Variants in AGBL4 observed in about 807,000 individuals in gnomAD.
AGBL4 encodes the protein AGBL carboxypeptidase 4, also known as cytosolic carboxypeptidase 6.
AGBL4 carries 58 observed loss-of-function variants against 66.4 expected under a neutral mutation model. The ratio of observed to expected loss-of-function variants is 0.87; its 90% confidence interval spans 0.71 to 1.09. The LOEUF is 1.09. Ranked by LOEUF, AGBL4 falls within the 50% of genes least tolerant of loss-of-function variation. The pLI is 0.00. For synonymous variants in AGBL4, 234 were observed against 222.9 expected (o/e 1.05, Z -0.44); for missense variants, 579 against 631.0 (o/e 0.92, Z 0.88).
intron 2 of AGBL4, among the ~76,000 whole-genome samples, chr1:49,762,375 T>C (rs959641282): frequency 6.6e-6 from 1 of 152,128 alleles, no homozygotes; most frequent in Non-Finnish European, 1.5e-5. Context: ...ATGTCTGTTT[T>C]AGAGAAATGT....
intron 10 of AGBL4, among the ~76,000 whole-genome samples, chr1:48,587,621 ATTTATTTTAT>A (rs148361572): frequency 2.0e-4 from 30 of 148,436 alleles, no homozygotes; most frequent in East Asian, 1.9e-3. Context: ...TTATTATTTT[ATTTATTTTAT>A]TTTATTTTAT....
intron 11 of AGBL4, among the ~76,000 whole-genome samples, chr1:48,567,259 T>A (rs1182391904): frequency 3.3e-5 from 5 of 152,210 alleles, no homozygotes; most frequent in African/African-American, 9.6e-5. Context: ...AATCTTATTA[T>A]CAAGGTCCAT....
chr1:49,675,837 T>C (rs1396754439), intron 3 of AGBL4, among the ~76,000 whole-genome samples: 4 of 152,128 alleles, frequency 2.6e-5, no homozygotes, highest in Non-Finnish European at 5.9e-5. Context: ...TCACTAATTT[T>C]GTGAATCACT....
At chr1:48,914,030 T>C (rs1032923740) in intron 5 of AGBL4, among the ~76,000 whole-genome samples, 1 of 151,208 alleles carries the variant, frequency 6.6e-6, no homozygotes, top group Non-Finnish European at 1.5e-5. Context: ...AGATTGGGAG[T>C]TCAAGAAAAA....
At chr1:48,684,178 A>G (rs563907037) in intron 6 of AGBL4, among the ~76,000 whole-genome samples, 2 of 152,346 alleles carry the variant, frequency 1.3e-5, no homozygotes, top group South Asian at 4.1e-4. Context: ...GGGTGTGTCT[A>G]TTCTGTGCTG....
intron 6 of AGBL4, among the ~76,000 whole-genome samples, chr1:48,714,493 C>T (rs1373786446): frequency 6.6e-6 from 1 of 152,218 alleles, no homozygotes; most frequent in African/African-American, 2.4e-5. Context: ...CTGTCCCATC[C>T]ACCCCTTCAA....
chr1:49,412,380 A>T (rs1412073263), intron 3 of AGBL4, among the ~76,000 whole-genome samples: 1 of 152,074 alleles, frequency 6.6e-6, no homozygotes, highest in Non-Finnish European at 1.5e-5. Context: ...TAATCCCATT[A>T]ATGGGATTAG....
chr1:48,763,451 A>G (rs1416774720), intron 6 of AGBL4, among the ~76,000 whole-genome samples: 1 of 152,160 alleles, frequency 6.6e-6, no homozygotes, highest in Non-Finnish European at 1.5e-5. Context: ...AGATGAAATT[A>G]TCTTGCAATG....
chr1:49,826,124 AGTT>A (rs1350161588), intron 2 of AGBL4, among the ~76,000 whole-genome samples: 1 of 152,192 alleles, frequency 6.6e-6, no homozygotes, highest in Non-Finnish European at 1.5e-5. Context: ...AAGCTTAAAA[AGTT>A]GTTTTTTTCC....
chr1:49,901,846 G>A lies in AGBL4; in HGVS notation c.35-50328C>T, dbSNP rs1386389035. Among the ~76,000 whole-genome samples the A allele has an allele frequency of 1.5e-4, 23 of 152,112 alleles. 1 individual carries two copies. Among genetic ancestry groups the A allele is most frequent in the Admixed American group, 1.5e-3 (23 of 15,264 alleles). On this transcript the variant is annotated intron_variant, in intron 1 of 13. Transcript: ENST00000371839. The stretch of plus-strand genomic sequence containing the variant: ...GTACTGGTACAAAAACAGACACATA[G>A]ACCAAAGGAACAGAATACAGAACCC...
At chr1:49,325,596 G>A (rs1355957644) in intron 3 of AGBL4, among the ~76,000 whole-genome samples, 2 of 152,098 alleles carry the variant, frequency 1.3e-5, no homozygotes, top group African/African-American at 2.4e-5. Context: ...GAGAATTTAT[G>A]AAGGACATTT....
chr1:48,973,974 A>AGTT (rs1659116312), intron 5 of AGBL4, among the ~76,000 whole-genome samples: 1 of 152,130 alleles, frequency 6.6e-6, no homozygotes, highest in African/African-American at 2.4e-5. Context: ...TCAGTACATC[A>AGTT]CAGACTGGAT....
intron 4 of AGBL4, among the ~76,000 whole-genome samples, chr1:49,196,404 T>C (rs1045999451): frequency 2.0e-4 from 30 of 152,194 alleles, no homozygotes; most frequent in African/African-American, 7.0e-4. Flanking sequence ...TTCTCACTCA[T>C]ATTCTGAATT....
chr1:49,006,509 C>A (rs1571212948), intron 5 of AGBL4, among the ~76,000 whole-genome samples: 1 of 152,340 alleles, frequency 6.6e-6, no homozygotes, highest in East Asian at 1.9e-4. Flanking sequence ...GAAGCTCGAA[C>A]TGGGTGGAGC....
At chr1:48,921,294 A>G (rs1008814967) in intron 5 of AGBL4, among the ~76,000 whole-genome samples, 2 of 152,190 alleles carry the variant, frequency 1.3e-5, no homozygotes, top group Admixed American at 1.3e-4. Context: ...TAGCAAATGT[A>G]CTCAGGATGA....
At chr1:49,186,417 G>A (rs780561121) in intron 4 of AGBL4, among the ~76,000 whole-genome samples, 17 of 152,184 alleles carry the variant, frequency 1.1e-4, no homozygotes, top group South Asian at 4.2e-4. Flanking sequence ...ATAAACTTTC[G>A]TAGTCTTATA....
intron 5 of AGBL4, among the ~76,000 whole-genome samples, chr1:48,939,081 C>T (rs997945351): frequency 6.6e-6 from 1 of 152,178 alleles, no homozygotes; most frequent in African/African-American, 2.4e-5. Flanking sequence ...GCCTCCAAAA[C>T]CTGAACTCTT....
intron 3 of AGBL4, among the ~76,000 whole-genome samples, chr1:49,411,559 A>G (rs1261888102): frequency 3.3e-5 from 5 of 152,220 alleles, no homozygotes; most frequent in Non-Finnish European, 5.9e-5. Context: ...CAGATGACAC[A>G]GTATGTATAA....
chr1:49,574,101 T>C lies in AGBL4; in HGVS notation c.282+123212A>G, dbSNP rs140490296. Among the ~76,000 whole-genome samples the C allele has an allele frequency of 8.5e-5, 13 of 152,288 alleles. No homozygotes were observed. The East Asian group carries it at 2.5e-3, about 29-fold the overall frequency. On this transcript the variant is annotated intron_variant, in intron 3 of 13. Coordinates refer to ENST00000371839, the MANE Select transcript of AGBL4 (RefSeq NM_032785.4). ...TGCTTCTAGACCTATAACTAAAGTC[T>C]CAGTGGGCCCCTAGAGGTAAGGGTG...
Sources: gnomAD v4.1 joint callset for allele counts (sites outside exome capture counted in the v4.1 genomes callset) on GRCh38, gnomAD v4.1.1 for gene constraint, MANE v1.5 for transcripts, NCBI Gene and HGNC (gene_info 2026-07-23, HGNC 2026-07-21) for gene names.